The following DSCAM variants were observed in gnomAD, a reference collection of about 807,000 sequenced individuals.
DSCAM encodes the protein cell adhesion molecule DSCAM.
Under a neutral mutation model 217.7 loss-of-function variants are expected in DSCAM, and 47 were observed. That is an observed-to-expected ratio of 0.22 (90% CI 0.17 to 0.28). DSCAM has a LOEUF of 0.28. Ranked by LOEUF, DSCAM falls within the 10% of genes least tolerant of loss-of-function variation. DSCAM has a pLI of 1.00. For synonymous variants in DSCAM, 1,056 were observed against 1,015.3 expected, an observed-to-expected ratio of 1.04 and a Z score of -0.76; for missense variants, 2,080 against 2,618.3, an observed-to-expected ratio of 0.79 and a Z score of 4.49.
chr21:40,060,560 G>A (rs2089100767), intron 28 of DSCAM, among the ~76,000 whole-genome samples: 4 of 147,480 alleles, frequency 2.7e-5, no homozygotes, highest in Non-Finnish European at 6.0e-5. Context: ...GACTGGTGAA[G>A]CAGGCCCGGG....
At chr21:40,256,501 A>C (rs1252230979) in intron 11 of DSCAM, among the ~76,000 whole-genome samples, 1 of 152,142 alleles carries the variant, frequency 6.6e-6, no homozygotes, top group African/African-American at 2.4e-5. Context: ...GAACCACTCC[A>C]TGAAATTGTG....
At chr21:40,735,931 C>T (rs2091059076) in intron 1 of DSCAM, among the ~76,000 whole-genome samples, 1 of 152,178 alleles carries the variant, frequency 6.6e-6, no homozygotes, top group Non-Finnish European at 1.5e-5. Flanking sequence ...GGGCTCCATT[C>T]CCCGAGATTG....
intron 3 of DSCAM, among the ~76,000 whole-genome samples, chr21:40,580,412 A>AATC (rs904618709): frequency 8.6e-5 from 13 of 151,924 alleles, no homozygotes; most frequent in Admixed American, 3.3e-4. Context: ...GGGCGCCCAT[A>AATC]ATCCCAGCTA....
At chr21:40,621,165 TGTTC>T (rs777893033) in intron 3 of DSCAM, 9 of 152,212 alleles carry the variant, frequency 5.9e-5, no homozygotes, top group Non-Finnish European at 1.2e-4. Flanking sequence ...TCTAAGCATA[TGTTC>T]AAAAGAAGAA....
At chr21:40,546,648 T>G (rs928927936) in intron 3 of DSCAM, among the ~76,000 whole-genome samples, 4 of 152,168 alleles carry the variant, frequency 2.6e-5, no homozygotes, top group African/African-American at 9.7e-5. Flanking sequence ...GGTTTGTCAG[T>G]TTTTTTATAT....
intron 3 of DSCAM, among the ~76,000 whole-genome samples, chr21:40,580,875 T>A (rs191596956): frequency 8.2e-4 from 125 of 152,258 alleles, no homozygotes; most frequent in African/African-American, 2.9e-3. Context: ...TAGAAAGAAG[T>A]GTATAGGTTT....
rs150098259 is a variant in DSCAM at position 40,493,919 on chromosome 21, C to T, written c.509-124674G>A. On this transcript the variant is annotated intron_variant, in intron 3 of 32. Coordinates refer to ENST00000400454, the MANE Select transcript of DSCAM (RefSeq NM_001389.5). ...ATACATATATATATAAACTGTTGGGCGAAGTGAAAGTGTAGCCTTTGTATG... is the reference window on the plus strand; with the variant it reads ...ATACATATATATATAAACTGTTGGGTGAAGTGAAAGTGTAGCCTTTGTATG... 9.4e-3 allele frequency among the ~76,000 whole-genome samples: 1,379 copies of T among 147,260 alleles called. 25 individuals are homozygous for T. The highest frequency in any genetic ancestry group is 0.031 in the African/African-American group (1,261 of 40,340).
chr21:40,168,382 A>G (rs949355856), intron 15 of DSCAM, among the ~76,000 whole-genome samples: 3 of 152,216 alleles, frequency 2.0e-5, no homozygotes, highest in Admixed American at 2.0e-4. Context: ...TTTGCCAACC[A>G]AGAGTTCAGA....
At chr21:40,085,861 C>G in intron 22 of DSCAM, 96 bp from the exon 23 acceptor site, 1 of 1,112,538 alleles carries the variant, frequency 9.0e-7, no homozygotes. Context: ...AAGCAAACCA[C>G]ACATTTGGAA....
chr21:40,706,866 T>C (rs2090723613), intron 2 of DSCAM, among the ~76,000 whole-genome samples: 2 of 152,226 alleles, frequency 1.3e-5, no homozygotes, highest in African/African-American at 4.8e-5. Context: ...CCATCTTATA[T>C]GTTCAAACTG....
intron 15 of DSCAM, among the ~76,000 whole-genome samples, chr21:40,172,270 C>CA (rs1455891238): frequency 3.9e-5 from 6 of 152,118 alleles, no homozygotes; most frequent in Admixed American, 3.9e-4. Flanking sequence ...CTCCATCTCA[C>CA]AAAAAACAAG....
At chr21:40,532,606 T>C (rs770462605) in intron 3 of DSCAM, among the ~76,000 whole-genome samples, 2 of 151,924 alleles carry the variant, frequency 1.3e-5, no homozygotes, top group African/African-American at 2.4e-5. Flanking sequence ...AGCTCAGTGG[T>C]CCGGAACAAG....
intron 4 of DSCAM, among the ~76,000 whole-genome samples, chr21:40,356,769 A>T (rs1428810470): frequency 1.3e-5 from 2 of 152,226 alleles, no homozygotes; most frequent in Admixed American, 1.3e-4. Context: ...TATATACAAG[A>T]GAGTAAATTT....
chr21:40,193,258 A>G, intron 11 of DSCAM, among the ~76,000 whole-genome samples: 1 of 152,200 alleles, frequency 6.6e-6, no homozygotes, highest in Non-Finnish European at 1.5e-5. Context: ...TGGCTGTAGA[A>G]ACCCCAGGCT....
At chr21:40,026,047 G>C (rs143645103) in intron 32 of DSCAM, among the ~76,000 whole-genome samples, 2 of 130,760 alleles carry the variant, frequency 1.5e-5, no homozygotes, top group Non-Finnish European at 3.5e-5. Context: ...CTTTGAATGC[G>C]TCCCAGAGAT....
intron 14 of DSCAM, 140 bp downstream of exon 14, chr21:40,186,991 A>G: frequency 9.6e-7 from 1 of 1,041,916 alleles, no homozygotes; most frequent in African/African-American, 1.6e-5. Context: ...ATGTGCTTCC[A>G]GCAAGGAGAC....
At chr21:40,434,508 A>AG (rs1289219915) in intron 3 of DSCAM, among the ~76,000 whole-genome samples, 4 of 152,146 alleles carry the variant, frequency 2.6e-5, no homozygotes, top group Non-Finnish European at 1.5e-5. Context: ...TAGCCACTGT[A>AG]GGATGGTAGC....
rs367981482 is a variant in DSCAM, at chr21:40,133,388, A to C, written c.3562+466T>G. 8.6e-4 allele frequency among the ~76,000 whole-genome samples: 131 copies of C among 152,306 alleles called. 2 individuals carry two copies. In the South Asian group the frequency reaches 0.026, roughly 30 times the overall value. On this transcript the variant is annotated intron_variant, in intron 19 of 32. Transcript: ENST00000400454. Reference sequence around the variant, plus strand: ...TAAAAAAAATTAACATGAAGTTCTCAAATTAAGGACTTATTCTAAAGTGAT... The same window carrying C: ...TAAAAAAAATTAACATGAAGTTCTCCAATTAAGGACTTATTCTAAAGTGAT...
At chr21:40,429,255 A>G (rs1384228284) in intron 3 of DSCAM, among the ~76,000 whole-genome samples, 1 of 151,626 alleles carries the variant, frequency 6.6e-6, no homozygotes, top group Non-Finnish European at 1.5e-5. Flanking sequence ...GCAGTATTGT[A>G]TCAAGTTTTT....
Sources: gnomAD v4.1 joint callset for allele counts (sites outside exome capture counted in the v4.1 genomes callset) on GRCh38, gnomAD v4.1.1 for gene constraint, MANE v1.5 for transcripts, NCBI Gene and HGNC (gene_info 2026-07-23, HGNC 2026-07-21) for gene names.